BTF3: variants seen among roughly 807,000 people sequenced by gnomAD.
BTF3 encodes the protein transcription factor BTF3.
BTF3 carries 12 observed loss-of-function variants against 23.9 expected under a neutral mutation model. That is an observed-to-expected ratio of 0.50 (90% CI 0.32 to 0.81). The LOEUF (loss-of-function observed/expected upper bound fraction) is 0.81, where lower values mean the gene tolerates loss of function less well. Among genes scored for constraint, BTF3 ranks in the 40% least tolerant of loss-of-function variants. BTF3 has a pLI of 0.03. For missense variants in BTF3, 215 were observed against 255.9 expected, an observed-to-expected ratio of 0.84 and a Z score of 1.09; for synonymous variants, 96 against 94.8, an observed-to-expected ratio of 1.01 and a Z score of -0.07.
At chr5:73,504,641 A>G (rs1394372214) in intron 5 of BTF3, 1 of 332,152 alleles carries the variant, frequency 3.0e-6, no homozygotes, top group Non-Finnish European at 5.4e-6. Flanking sequence ...AATATTGAAT[A>G]AATAAGTATA....
chr5:73,502,757 A>G (rs1746468038), intron 3 of BTF3, 156 bp downstream of exon 3: 1 of 855,392 alleles, frequency 1.2e-6, no homozygotes. Context: ...CAGGGAGCTC[A>G]TTAAGTCTGA....
intron 4 of BTF3, 80 bp from the exon 5 acceptor site, chr5:73,504,267 C>CTTATTTTTTTTTTT: frequency 8.4e-6 from 1 of 118,606 alleles, no homozygotes; most frequent in East Asian, 1.7e-4. Flanking sequence ...TTCATCTGTT[C>CTTATTTTTTTTTTT]TTTTTTTTTT....
At position 73,498,699 on chromosome 5, in the gene BTF3, A is replaced by G; in HGVS notation, c.32A>G (p.Asp11Gly). The G allele has an allele frequency of 6.7e-7, 1 of 1,497,444 alleles. No homozygotes were observed. Among genetic ancestry groups the G allele is most frequent in the Non-Finnish European group, 8.8e-7 (1 of 1,131,976 alleles). The allele number at this position is 1,497,444 out of a possible 1,614,324, so 92.8% of individuals were successfully genotyped here. The change falls in exon 1 of 6, where the codon GAC (aspartate) becomes GGC (glycine). Residue 11 changes from aspartate (D) to glycine (G), a missense_variant. By Grantham distance (94) the Asp-to-Gly change is moderately conservative (BLOSUM62 -1). This residue lies in a region of BTF3 where 116 missense variants were observed against 84.7 expected (regional missense o/e 1.37). Transcript: ENST00000380591. MRRTGAPAQA[D>G]SRGRGRARGG... Reference sequence around the variant, plus strand: ...CGGACAGGCGCACCCGCTCAGGCTGACTCTCGGGGGCGAGGTCGAGCCAGG... The same window carrying G: ...CGGACAGGCGCACCCGCTCAGGCTGGCTCTCGGGGGCGAGGTCGAGCCAGG...
chr5:73,499,175 G>A lies in BTF3; in HGVS notation c.174G>A (p.Leu58=). The change falls in exon 2 of 6, where the codon CTG becomes CTA. Residue 58 remains leucine, a synonymous_variant. Transcript: ENST00000380591. ...TGAACCAGGAAAAACTCGCCAAACT[G>A]CAGGCACAAGTGCGCATTGGTGGGA... ...TIMNQEKLAK[L]QAQVRIGGKG... is the part of the protein sequence containing the mutation. The A allele has an allele frequency of 6.2e-7, 1 of 1,613,118 alleles. No individual in the cohort carries two copies. The highest frequency in any genetic ancestry group is 8.5e-7 in the Non-Finnish European group (1 of 1,179,842).
At chr5:73,500,614 A>C (rs1746412998) in intron 2 of BTF3, among the ~76,000 whole-genome samples, 1 of 152,230 alleles carries the variant, frequency 6.6e-6, no homozygotes, top group Non-Finnish European at 1.5e-5. Context: ...AAACGTACTT[A>C]TTATGGGATG....
rs900827490 is a variant in BTF3 at position 73,499,465 on chromosome 5, A to AT, written c.201+266dup. 5 of 525,514 alleles carry AT rather than the reference A, an allele frequency of 9.5e-6. No individual in the cohort carries two copies. In the Admixed American group the frequency reaches 1.2e-4, roughly 13 times the overall value. 32.6% of individuals were successfully genotyped at this position (525,514 alleles called of 1,614,324 possible). On this transcript the variant is annotated intron_variant, in intron 2 of 5. Coordinates refer to ENST00000380591, the MANE Select transcript of BTF3 (RefSeq NM_001037637.2). ...AAGTAGAACACAAAAGTGTTTCCTA[A>AT]TTTAATTAGTAAGGAAAATGTGTCA... is the stretch of plus-strand genomic sequence containing the variant.
chr5:73,500,215 A>G (rs758151705), intron 2 of BTF3, among the ~76,000 whole-genome samples: 3 of 152,150 alleles, frequency 2.0e-5, no homozygotes, highest in Non-Finnish European at 4.4e-5. Flanking sequence ...ACACCCACAC[A>G]TTTAACAACA....
At chr5:73,499,311 C>A (rs780991179) in intron 2 of BTF3, 109 bp downstream of exon 2, 13 of 1,234,074 alleles carry the variant, frequency 1.1e-5, no homozygotes, top group Non-Finnish European at 1.2e-5. Context: ...CTTTGCCTAT[C>A]GAGGGAAATT....
intron 4 of BTF3, among the ~76,000 whole-genome samples, chr5:73,503,605 A>C (rs1332085644): frequency 1.3e-5 from 2 of 152,218 alleles, no homozygotes; most frequent in Non-Finnish European, 2.9e-5. Context: ...AGGATGTGGC[A>C]GTGTTATGCT....
In BTF3 at chr5:73,499,230, G is replaced by GTT. The variant is rs35216563; in HGVS notation, c.201+37_201+38dup. ...AAGTTTTAATAGTTCGGGTTTGTGG[G>GTT]TTTTTTTTTTAAGGTTTAGGTATTT... On this transcript the variant is annotated intron_variant, in intron 2 of 5. Transcript: ENST00000380591. 1.4e-3 allele frequency: 2,086 copies of GTT among 1,448,064 alleles called. No individual in the cohort carries two copies. The East Asian group carries it at 0.018, about 13-fold the overall frequency. The allele number at this position is 1,448,064 out of a possible 1,614,324, so 89.7% of individuals were successfully genotyped here. A position where few individuals can be genotyped will look rare whatever the true frequency, so the allele number is the denominator to read the frequency against.
At chr5:73,499,292 G>C (rs1199948224) in intron 2 of BTF3, 90 bp downstream of exon 2, 1 of 1,397,686 alleles carries the variant, frequency 7.2e-7, no homozygotes, top group Admixed American at 1.8e-5. Context: ...TTATATTATC[G>C]GTGACAAACT....
chr5:73,504,373 A>T lies in BTF3; in HGVS notation c.544A>T (p.Thr182Ser), dbSNP rs765146287. 1 of 1,590,470 alleles carries T rather than the reference A, an allele frequency of 6.3e-7. No homozygotes were observed. Among genetic ancestry groups the T allele is most frequent in the Non-Finnish European group, 8.5e-7 (1 of 1,171,254 alleles). ...TGTGGATGGAAAAGCACCACTTGCTACTGGAGAGGATGATGATGATGAAGT... is the reference window on the plus strand; with the variant it reads ...TGTGGATGGAAAAGCACCACTTGCTTCTGGAGAGGATGATGATGATGAAGT... ...QSVDGKAPLA[T>S]GEDDDDEVPD... Residue 182 changes from threonine (T) to serine (S), a missense_variant, in exon 5 of 6, where the codon ACT (threonine) becomes TCT (serine). Physicochemically the swap from Thr to Ser is moderately conservative, Grantham distance 58. Transcript: ENST00000380591.
At chr5:73,505,003 A>T (rs1271447617) in intron 5 of BTF3, among the ~76,000 whole-genome samples, 189 bp from the exon 6 acceptor site, 2 of 148,832 alleles carry the variant, frequency 1.3e-5, no homozygotes, top group African/African-American at 4.9e-5. Flanking sequence ...CTATTGACCA[A>T]TGTATGAGAT....
chr5:73,502,518 C>T lies in BTF3; in HGVS notation c.232C>T (p.His78Tyr). 6.2e-7 allele frequency: 1 copy of T among 1,606,990 alleles called. No homozygotes were observed. ...GTARRKKKVV[H>Y]RTATADDKKL... is the part of the protein sequence containing the mutation. ...TGCTCGCAGAAAGAAGAAGGTGGTT[C>T]ATAGAACAGCCACAGCAGATGACAA... Residue 78 changes from histidine (H) to tyrosine (Y), a missense_variant, in exon 3 of 6, where the codon CAT becomes TAT. His to Tyr is a moderately conservative substitution (Grantham distance 83, BLOSUM62 2). Coordinates refer to ENST00000380591, the MANE Select transcript of BTF3 (RefSeq NM_001037637.2).
chr5:73,504,145 C>T (rs1746500909), intron 4 of BTF3, among the ~76,000 whole-genome samples: 2 of 151,828 alleles, frequency 1.3e-5, no homozygotes, highest in South Asian at 4.2e-4. Flanking sequence ...GTTGGCTGTT[C>T]CTAGTATTTT....
At chr5:73,499,558 CTTGT>C (rs1746384158) in intron 2 of BTF3, 1 of 368,720 alleles carries the variant, frequency 2.7e-6, no homozygotes, top group Non-Finnish European at 5.2e-6. Flanking sequence ...AAAGTCAGTG[CTTGT>C]TTGTCTCTCT....
In BTF3 at chr5:73,505,430, T is replaced by C. The variant is rs1258544624; in HGVS notation, c.*192T>C. ...TTATACACAATTCATTCTTTGCAGC[T>C]AATTAAGCCGAAGAAGCCTGGGAAT... On this transcript the variant is annotated 3_prime_UTR_variant, in exon 6 of 6. Transcript: ENST00000380591. 4.2e-6 allele frequency: 2 copies of C among 481,622 alleles called. No individual in the cohort carries two copies. Among genetic ancestry groups the C allele is most frequent in the Non-Finnish European group, 7.3e-6 (2 of 275,814 alleles). The allele number at this position is 481,622 out of a possible 1,614,324, so 29.8% of individuals were successfully genotyped here. A position where few individuals can be genotyped will look rare whatever the true frequency, so the allele number is the denominator to read the frequency against.
Position 73,502,992 on chromosome 5 carries a change from C to G in BTF3, c.392C>G (p.Thr131Ser). The G allele has an allele frequency of 1.9e-6, 3 of 1,613,760 alleles. No homozygotes were observed. The highest frequency in any genetic ancestry group is 2.5e-6 in the Non-Finnish European group (3 of 1,179,882). Residue 131 changes from threonine to serine, a missense_variant, in exon 4 of 6, where the codon ACT becomes AGT. Physicochemically the swap from Thr to Ser is moderately conservative, Grantham distance 58 (BLOSUM62 1). Around this residue, in one of 2 missense-constraint regions of BTF3, gnomAD observed 99 missense variants for 171.2 expected, o/e 0.58. Transcript: ENST00000380591. ...PKVQASLAAN[T>S]FTITGHAETK... Reference sequence around the variant, plus strand: ...GTTCAGGCATCTCTGGCAGCGAACACTTTCACCATTACAGGCCATGCTGAG... The same window carrying G: ...GTTCAGGCATCTCTGGCAGCGAACAGTTTCACCATTACAGGCCATGCTGAG...
Position 73,499,179 on chromosome 5 carries a change from G to T in BTF3, c.178G>T (p.Ala60Ser), listed in dbSNP as rs1482433932. ...CCAGGAAAAACTCGCCAAACTGCAGGCACAAGTGCGCATTGGTGGGAAAGT... is the reference window on the plus strand; with the variant it reads ...CCAGGAAAAACTCGCCAAACTGCAGTCACAAGTGCGCATTGGTGGGAAAGT... ...MNQEKLAKLQ[A>S]QVRIGGKGTA... The change falls in exon 2 of 6, where the codon GCA becomes TCA. Residue 60 changes from alanine to serine, a missense_variant. Physicochemically the swap from Ala to Ser is moderately conservative, Grantham distance 99. Transcript: ENST00000380591. 5 of 1,613,416 alleles carry T rather than the reference G, an allele frequency of 3.1e-6. No individual in the cohort carries two copies. Among genetic ancestry groups the T allele is most frequent in the Non-Finnish European group, 4.2e-6 (5 of 1,179,944 alleles).
Sources: allele counts gnomAD v4.1 joint callset (sites outside exome capture counted in the v4.1 genomes callset), GRCh38; gene constraint gnomAD v4.1.1; regional missense constraint gnomAD v4.1.1; transcripts MANE v1.5; gene names NCBI Gene and HGNC (gene_info 2026-07-23, HGNC 2026-07-21).